The following NUP210L variants were observed in gnomAD, a reference collection of about 807,000 sequenced individuals.
The protein encoded by NUP210L is nuclear pore membrane glycoprotein 210-like.
Under a neutral mutation model 208.5 loss-of-function variants are expected in NUP210L, and 74 were observed. The ratio of observed to expected loss-of-function variants is 0.35; its 90% CI spans 0.29 to 0.43. The LOEUF (loss-of-function observed/expected upper bound fraction) is 0.43. NUP210L is among the 20% of genes least tolerant of loss of function. The pLI, the probability that NUP210L is intolerant of heterozygous loss-of-function variation, is 1.00. For synonymous variants in NUP210L, 780 were observed against 816.9 expected (o/e 0.95, Z 0.77); for missense variants, 1,843 against 2,289.4 (o/e 0.81, Z 3.98).
At chr1:154,124,240 A>AC (rs1316735916) in intron 10 of NUP210L, among the ~76,000 whole-genome samples, 1 of 151,964 alleles carries the variant, frequency 6.6e-6, no homozygotes, top group Non-Finnish European at 1.5e-5. Context: ...GATGGTAAAA[A>AC]AAAAAAAGAT....
intron 35 of NUP210L, among the ~76,000 whole-genome samples, chr1:154,004,360 C>T (rs905847128): frequency 3.3e-5 from 5 of 151,634 alleles, no homozygotes; most frequent in Admixed American, 1.3e-4. Flanking sequence ...TGAGCCACTG[C>T]GCCCGGCCTT....
chr1:153,998,553 CAAA>C (rs566361453), intron 37 of NUP210L, among the ~76,000 whole-genome samples: 4 of 53,752 alleles, frequency 7.4e-5, no homozygotes, highest in Non-Finnish European at 7.5e-5. Flanking sequence ...GGTTCTGTCT[CAAA>C]AAAAAAAAAA....
intron 14 of NUP210L, among the ~76,000 whole-genome samples, chr1:154,099,142 T>C (rs1263355469): frequency 6.6e-6 from 1 of 152,072 alleles, no homozygotes; most frequent in Non-Finnish European, 1.5e-5. Context: ...CTTCCTGGGT[T>C]CCCAAGAGTA....
At chr1:154,060,889 A>T in intron 19 of NUP210L, 53 bp downstream of exon 19, 2 of 1,225,350 alleles carry the variant, frequency 1.6e-6, no homozygotes, top group Non-Finnish European at 2.4e-6. Flanking sequence ...TATTAATTTT[A>T]ATAACTTCCC....
intron 25 of NUP210L, among the ~76,000 whole-genome samples, chr1:154,050,825 C>T (rs1192356206): frequency 1.3e-5 from 2 of 152,172 alleles, no homozygotes; most frequent in African/African-American, 4.8e-5. Context: ...CTGAAAATGT[C>T]TTCACAGTTG....
intron 15 of NUP210L, among the ~76,000 whole-genome samples, chr1:154,091,205 T>G (rs1571261448): frequency 6.6e-6 from 1 of 150,662 alleles, no homozygotes; most frequent in African/African-American, 2.4e-5. Flanking sequence ...CAGAGATTCT[T>G]GTGACTCATC....
At position 154,000,142 on chromosome 1, in the gene NUP210L, C is replaced by T. The variant is rs867468744; in HGVS notation, c.5386+714G>A. ...CCATCATGCCTGGCTGACAACTATT[C>T]TTAAATATATAAGTTAAATATAAAA... On this transcript the variant is annotated intron_variant, in intron 37 of 39. Transcript: ENST00000368559. Among the ~76,000 whole-genome samples the T allele has an allele frequency of 3.3e-5, 5 of 152,198 alleles. No homozygotes were observed. The South Asian group carries it at 1.0e-3, about 32-fold the overall frequency.
chr1:154,025,806 G>A, intron 29 of NUP210L, 90 bp from the exon 30 acceptor site: 1 of 1,128,244 alleles, frequency 8.9e-7, no homozygotes, highest in Admixed American at 2.2e-5. Flanking sequence ...ACTGTTAGGG[G>A]ATGTACTCGA....
chr1:154,084,604 T>G (rs1655529352), intron 16 of NUP210L, among the ~76,000 whole-genome samples: 1 of 151,864 alleles, frequency 6.6e-6, no homozygotes, highest in Non-Finnish European at 1.5e-5. Context: ...ATTTATTTAT[T>G]TATTTATTTT....
intron 33 of NUP210L, among the ~76,000 whole-genome samples, chr1:154,015,968 T>A (rs1339161821): frequency 6.7e-6 from 1 of 150,124 alleles, no homozygotes; most frequent in East Asian, 2.0e-4. Flanking sequence ...ATAAAAAAAA[T>A]AGATGGCTAG....
chr1:154,086,496 T>C (rs889261152), intron 16 of NUP210L, among the ~76,000 whole-genome samples: 4 of 152,010 alleles, frequency 2.6e-5, no homozygotes, highest in African/African-American at 9.7e-5. Context: ...GTTAAAAACT[T>C]TTGTGCTTCA....
At chr1:154,140,725 G>A (rs1403273203) in intron 4 of NUP210L, among the ~76,000 whole-genome samples, 4 of 149,110 alleles carry the variant, frequency 2.7e-5, no homozygotes, top group Non-Finnish European at 4.5e-5. Context: ...GGCTCACGCC[G>A]TAATCCCAGC....
At chr1:154,047,145 C>A (rs117054345) in intron 25 of NUP210L, among the ~76,000 whole-genome samples, 1 of 151,828 alleles carries the variant, frequency 6.6e-6, no homozygotes, top group Admixed American at 6.6e-5. Flanking sequence ...GATTAATGGG[C>A]AGAAAAATAT....
intron 7 of NUP210L, among the ~76,000 whole-genome samples, chr1:154,130,694 C>A (rs1409009383): frequency 6.6e-6 from 1 of 150,796 alleles, no homozygotes. Context: ...AGCGATTCTC[C>A]TACCCTCAGG....
rs55674398 is a variant in NUP210L, at chr1:154,142,888, CA to C, written c.472+557del. On this transcript the variant is annotated intron_variant, in intron 3 of 39. Coordinates refer to ENST00000368559, the Ensembl canonical transcript of NUP210L. ...TAGGCAACAGAGCGAGACTCCATCTCAAAAAAAAAAAAGAAAGTGGCCAGGC... is the reference window on the plus strand; with the variant it reads ...TAGGCAACAGAGCGAGACTCCATCTCAAAAAAAAAAAGAAAGTGGCCAGGC... 2.4e-3 allele frequency among the ~76,000 whole-genome samples: 309 copies of C among 129,874 alleles called. 2 individuals are homozygous for C. The East Asian group carries it at 0.029, about 12-fold the overall frequency. 85.2% of individuals were successfully genotyped at this position (129,874 alleles called of 152,430 possible).
chr1:154,066,186 A>T (rs112294658), intron 17 of NUP210L, among the ~76,000 whole-genome samples: 115 of 152,324 alleles, frequency 7.5e-4, no homozygotes, highest in African/African-American at 2.1e-3. Flanking sequence ...AAGATCTAAA[A>T]TTGACACCCT....
chr1:154,055,156 T>TTTCTTTCTTTC (rs1333577365), intron 23 of NUP210L, among the ~76,000 whole-genome samples: 1 of 113,870 alleles, frequency 8.8e-6, no homozygotes, highest in Admixed American at 9.7e-5. Flanking sequence ...TCTTTCTTTC[T>TTTCTTTCTTTC]TTCTTTCTTT....
intron 23 of NUP210L, 109 bp downstream of exon 23, chr1:154,056,706 C>T: frequency 8.7e-7 from 1 of 1,143,470 alleles, no homozygotes; most frequent in Non-Finnish European, 1.2e-6. Context: ...TGGTGTGAGC[C>T]ACTGTGCCCA....
rs1657562548 is a variant in NUP210L, at chr1:154,120,513, A to G, written c.1327-1705T>C. On this transcript the variant is annotated intron_variant, in intron 10 of 39. Transcript: ENST00000368559. ...GAGGGGGGAAGGATAGCATTAGGAG[A>G]TATACCTAACGTAAATGATAAGTTA... Among the ~76,000 whole-genome samples, 3 of 151,966 alleles carry G rather than the reference A, an allele frequency of 2.0e-5. No homozygotes were observed. The South Asian group carries it at 6.2e-4, about 32-fold the overall frequency.
Sources: allele counts gnomAD v4.1 joint callset (sites outside exome capture counted in the v4.1 genomes callset), GRCh38; gene constraint gnomAD v4.1.1; transcripts MANE v1.5; gene names NCBI Gene and HGNC (gene_info 2026-07-23, HGNC 2026-07-21).